The following KLHL29 variants were observed in gnomAD, a reference collection of about 807,000 sequenced individuals.
KLHL29 encodes kelch like family member 29, also known as kelch-like protein 29.
In KLHL29, 21 loss-of-function variants were observed where a neutral mutation model predicts 80.4. The observed-to-expected ratio is 0.26, with a 90% CI of 0.19 to 0.38. KLHL29 has a LOEUF of 0.38. Ranked by LOEUF, KLHL29 falls within the 10% of genes least tolerant of loss-of-function variation. The pLI is 1.00. For missense variants in KLHL29, 867 were observed against 1,223.9 expected, an observed-to-expected ratio of 0.71 and a Z score of 4.35; for synonymous variants, 511 against 526.8, an observed-to-expected ratio of 0.97 and a Z score of 0.41.
chr2:23,417,968 T>C (rs1331857551), intron 1 of KLHL29, among the ~76,000 whole-genome samples: 1 of 152,186 alleles, frequency 6.6e-6, no homozygotes, highest in Non-Finnish European at 1.5e-5. Context: ...TCCATCGCCC[T>C]GGAGTAGTTT....
In KLHL29 at chr2:23,682,129, T is replaced by C. The variant is rs549226069; in HGVS notation, c.941-2270T>C. On this transcript the variant is annotated intron_variant, in intron 5 of 13. Transcript: ENST00000486442. This position sits in a 1 kb window ranked among gnomAD's most constrained non-coding sequence, Gnocchi z 4.1. ...CCATGCCTCCCCCTCCCCACTTCCT[T>C]CCTGCACTGAGCCCCACGGGGTCCA... Among the ~76,000 whole-genome samples the C allele has an allele frequency of 3.3e-5, 5 of 152,208 alleles. No homozygotes were observed. Among genetic ancestry groups the C allele is most frequent in the Admixed American group, 1.3e-4 (2 of 15,294 alleles).
intron 1 of KLHL29, among the ~76,000 whole-genome samples, chr2:23,415,771 T>C (rs1019183784): frequency 1.3e-5 from 2 of 152,088 alleles, no homozygotes; most frequent in African/African-American, 4.8e-5. Flanking sequence ...CGATCACAGC[T>C]CACTGCAGCC....
At chr2:23,586,960 C>G (rs1179624098) in intron 3 of KLHL29, among the ~76,000 whole-genome samples, 1 of 152,154 alleles carries the variant, frequency 6.6e-6, no homozygotes, top group Non-Finnish European at 1.5e-5. Context: ...GATATAAAAA[C>G]CAGTCATTCA....
intron 3 of KLHL29, among the ~76,000 whole-genome samples, chr2:23,584,668 G>A (rs1001050676): frequency 2.6e-5 from 4 of 152,312 alleles, no homozygotes; most frequent in African/African-American, 9.6e-5. Flanking sequence ...GCCCATGAGG[G>A]ACAGAGGAAG....
chr2:23,403,722 A>AGTGTGT (rs202189865), intron 1 of KLHL29, among the ~76,000 whole-genome samples: 50 of 141,122 alleles, frequency 3.5e-4, no homozygotes, highest in African/African-American at 8.9e-4. Context: ...AGAGAGAGAG[A>AGTGTGT]GAGAGTGTGT....
chr2:23,475,455 A>G (rs1322513995), intron 1 of KLHL29, 105 bp from the exon 2 acceptor site: 6 of 144,706 alleles, frequency 4.1e-5, no homozygotes, highest in Non-Finnish European at 9.0e-5. Context: ...ACCACCCAGG[A>G]TGCTGGAATT....
At chr2:23,449,565 TC>T (rs1253602637) in intron 1 of KLHL29, among the ~76,000 whole-genome samples, 1 of 152,142 alleles carries the variant, frequency 6.6e-6, no homozygotes, top group Non-Finnish European at 1.5e-5. Flanking sequence ...TTTCTCATCC[TC>T]CAATAGTCCA....
intron 2 of KLHL29, among the ~76,000 whole-genome samples, chr2:23,555,728 C>T (rs1229718939): frequency 1.3e-5 from 2 of 152,214 alleles, no homozygotes; most frequent in African/African-American, 2.4e-5. Flanking sequence ...CACCCTTCAC[C>T]GTCTCCTGGA....
chr2:23,631,829 A>G (rs1669476079), intron 3 of KLHL29, among the ~76,000 whole-genome samples: 1 of 152,174 alleles, frequency 6.6e-6, no homozygotes, highest in African/African-American at 2.4e-5. Context: ...GGCCTCGTCA[A>G]GGAGCTGGTT....
At chr2:23,674,461 C>G (rs539234948) in intron 5 of KLHL29, among the ~76,000 whole-genome samples, 85 of 152,202 alleles carry the variant, frequency 5.6e-4, no homozygotes, top group African/African-American at 2.0e-3. Flanking sequence ...CTGCCCTGAC[C>G]CCAGGGCACT....
At chr2:23,447,530 T>C (rs1261103364) in intron 1 of KLHL29, among the ~76,000 whole-genome samples, 1 of 152,188 alleles carries the variant, frequency 6.6e-6, no homozygotes, top group Non-Finnish European at 1.5e-5. Context: ...CATGTAAATA[T>C]AAAAATTCCT....
intron 3 of KLHL29, among the ~76,000 whole-genome samples, chr2:23,582,864 C>T (rs989782635): frequency 6.6e-6 from 1 of 152,176 alleles, no homozygotes; most frequent in Admixed American, 6.5e-5. Context: ...CCCAGAATAT[C>T]TAAACGTGAC....
At chr2:23,476,169 C>G (rs1314659232) in intron 2 of KLHL29, among the ~76,000 whole-genome samples, 4 of 152,024 alleles carry the variant, frequency 2.6e-5, no homozygotes, top group African/African-American at 9.7e-5. Context: ...GCCACCGTGC[C>G]CCATCAGAGA....
At chr2:23,595,344 C>T (rs1668370589) in intron 3 of KLHL29, among the ~76,000 whole-genome samples, 1 of 152,224 alleles carries the variant, frequency 6.6e-6, no homozygotes, top group Non-Finnish European at 1.5e-5. Flanking sequence ...CTCTGTTTTA[C>T]AGAGAAGGGA....
intron 3 of KLHL29, among the ~76,000 whole-genome samples, chr2:23,572,370 A>G (rs1169873452): frequency 6.6e-6 from 1 of 152,208 alleles, no homozygotes; most frequent in Non-Finnish European, 1.5e-5. Flanking sequence ...TGATGGGAAA[A>G]CATTTTTTGC....
At chr2:23,637,085 G>C (rs1669632645) in intron 3 of KLHL29, among the ~76,000 whole-genome samples, 1 of 152,132 alleles carries the variant, frequency 6.6e-6, no homozygotes, top group African/African-American at 2.4e-5. Flanking sequence ...GGCAGGAGGG[G>C]CTTCTGTACT....
At chr2:23,554,562 G>A (rs1365131541) in intron 2 of KLHL29, among the ~76,000 whole-genome samples, 1 of 152,178 alleles carries the variant, frequency 6.6e-6, no homozygotes, top group Non-Finnish European at 1.5e-5. Flanking sequence ...TGTGTACAGT[G>A]TGTACACATG....
intron 2 of KLHL29, among the ~76,000 whole-genome samples, chr2:23,554,033 A>G (rs1163040685): frequency 6.6e-6 from 1 of 152,156 alleles, no homozygotes; most frequent in Non-Finnish European, 1.5e-5. Context: ...AGCCAGAAGC[A>G]AGACTTCTGA....
At chr2:23,627,310 C>A (rs1481787039) in intron 3 of KLHL29, among the ~76,000 whole-genome samples, 4 of 152,258 alleles carry the variant, frequency 2.6e-5, no homozygotes, top group South Asian at 2.1e-4. Flanking sequence ...AAGAACACCA[C>A]GCCCTCAGGA....
Sources: allele counts gnomAD v4.1 joint callset (sites outside exome capture counted in the v4.1 genomes callset), GRCh38; gene constraint gnomAD v4.1.1; non-coding constraint Gnocchi (gnomAD v3.1); transcripts MANE v1.5; gene names NCBI Gene and HGNC (gene_info 2026-07-23, HGNC 2026-07-21).